The following CNNM2 variants were observed in gnomAD, a reference collection of about 807,000 sequenced individuals.
The protein encoded by CNNM2 is cyclin and CBS domain divalent metal cation transport mediator 2.
CNNM2 carries 12 observed loss-of-function variants against 66.9 expected under a neutral mutation model. The observed-to-expected ratio is 0.18, with a 90% confidence interval of 0.11 to 0.29. CNNM2 has a LOEUF of 0.29. CNNM2 is among the 10% of genes least tolerant of loss of function. CNNM2 has a pLI of 1.00. For synonymous variants in CNNM2, 557 were observed against 501.8 expected (o/e 1.11, Z -1.47); for missense variants, 705 against 1,167.7 (o/e 0.60, Z 5.77).
intron 3 of CNNM2, among the ~76,000 whole-genome samples, chr10:103,056,502 C>T (rs1161402922): frequency 1.3e-5 from 2 of 152,168 alleles, no homozygotes; most frequent in Non-Finnish European, 2.9e-5. Context: ...TCAAGGAGCC[C>T]GCTTGCCGTT....
At chr10:102,928,202 T>C (rs1029450542) in intron 1 of CNNM2, among the ~76,000 whole-genome samples, 1 of 152,238 alleles carries the variant, frequency 6.6e-6, no homozygotes, top group East Asian at 1.9e-4. Context: ...CCAGTATTTT[T>C]ATTATAACAA....
At chr10:103,014,830 T>C (rs919481202) in intron 1 of CNNM2, among the ~76,000 whole-genome samples, 2 of 151,974 alleles carry the variant, frequency 1.3e-5, no homozygotes, top group Non-Finnish European at 2.9e-5. Flanking sequence ...AGTTCAGGGC[T>C]GCAGTTATCT....
intron 6 of CNNM2, among the ~76,000 whole-genome samples, chr10:103,072,815 C>G (rs1424001422): frequency 2.6e-5 from 4 of 152,196 alleles, no homozygotes; most frequent in Non-Finnish European, 5.9e-5. Flanking sequence ...AACTGGGGGT[C>G]AGCCACTACG....
intron 1 of CNNM2, among the ~76,000 whole-genome samples, chr10:103,042,128 A>G (rs1465583582): frequency 2.0e-5 from 3 of 151,980 alleles, no homozygotes; most frequent in Admixed American, 6.6e-5. Context: ...TGTTCCTCTC[A>G]TTGCTCAGGC....
Position 103,090,064 on chromosome 10 carries a change from T to C in CNNM2, c.*12884T>C, listed in dbSNP as rs1440386449. 1.9e-6 allele frequency: 1 copy of C among 529,956 alleles called. No homozygotes were observed. Among genetic ancestry groups the C allele is most frequent in the Non-Finnish European group, 3.2e-6 (1 of 311,958 alleles). The allele number at this position is 529,956 out of a possible 1,614,324, so 32.8% of individuals were successfully genotyped here. A position where few individuals can be genotyped will look rare whatever the true frequency, so the allele number is the denominator to read the frequency against. Reference sequence around the variant, plus strand: ...AGACTTATCTTCATAGAACTACTTATAGTTGCCTGTCTTCCTCTCTCCCTG... The same window carrying C: ...AGACTTATCTTCATAGAACTACTTACAGTTGCCTGTCTTCCTCTCTCCCTG... On this transcript the variant is annotated 3_prime_UTR_variant, in exon 8 of 8. Coordinates refer to ENST00000369878, the MANE Select transcript of CNNM2 (RefSeq NM_017649.5).
At chr10:103,036,965 C>T (rs899505078) in intron 1 of CNNM2, among the ~76,000 whole-genome samples, 8 of 151,972 alleles carry the variant, frequency 5.3e-5, no homozygotes, top group Non-Finnish European at 7.4e-5. Context: ...ATGCTCATAT[C>T]GTGGTTGTGA....
chr10:103,063,556 T>C (rs2065425237), intron 4 of CNNM2, among the ~76,000 whole-genome samples: 1 of 152,234 alleles, frequency 6.6e-6, no homozygotes, highest in Admixed American at 6.5e-5. Flanking sequence ...AAGCCAGACA[T>C]GGCACGGGCT....
chr10:102,962,924 A>G (rs971704147), intron 1 of CNNM2, among the ~76,000 whole-genome samples: 4 of 152,196 alleles, frequency 2.6e-5, no homozygotes, highest in African/African-American at 9.7e-5. Context: ...GTTCACTTCA[A>G]ATGGCTGGAG....
chr10:103,006,583 T>C (rs1444438045), intron 1 of CNNM2, among the ~76,000 whole-genome samples: 3 of 152,154 alleles, frequency 2.0e-5, no homozygotes, highest in Non-Finnish European at 4.4e-5. Context: ...AAGATGGTTT[T>C]GGTTTTTTGG....
intron 1 of CNNM2, among the ~76,000 whole-genome samples, chr10:102,927,043 T>C (rs1021648703): frequency 6.6e-6 from 1 of 150,546 alleles, no homozygotes; most frequent in African/African-American, 2.4e-5. Context: ...CAATATAAAA[T>C]TTTATGTTTA....
intron 1 of CNNM2, among the ~76,000 whole-genome samples, chr10:102,940,719 T>G (rs1846402648): frequency 6.6e-6 from 1 of 150,596 alleles, no homozygotes; most frequent in Non-Finnish European, 1.5e-5. Flanking sequence ...CGCCTGGTCC[T>G]TATTTTATTA....
At chr10:102,967,425 G>A (rs1330406175) in intron 1 of CNNM2, among the ~76,000 whole-genome samples, 1 of 152,128 alleles carries the variant, frequency 6.6e-6, no homozygotes, top group Non-Finnish European at 1.5e-5. Context: ...TTTCTTCTGG[G>A]TCAATCCCTG....
In CNNM2 at chr10:103,085,238, G is replaced by A. The variant is rs2065793451; in HGVS notation, c.*8058G>A. ...TGATAGGAAATTTTAGATGGGGCCA[G>A]TTTTCCTACTGCAGTTCTACTAAGT... is the stretch of plus-strand genomic sequence containing the variant. On this transcript the variant is annotated 3_prime_UTR_variant, in exon 8 of 8. Transcript: ENST00000369878. 6.6e-6 allele frequency: 1 copy of A among 152,202 alleles called. No individual in the cohort carries two copies. The highest frequency in any genetic ancestry group is 2.4e-5 in the African/African-American group (1 of 41,448). 9.4% of individuals were successfully genotyped at this position (152,202 alleles called of 1,614,324 possible).
chr10:103,043,182 G>T lies in CNNM2; in HGVS notation c.1622-6525G>T, dbSNP rs556718313. On this transcript the variant is annotated intron_variant, in intron 1 of 7. Transcript: ENST00000369878. ...TTGGCTTGAGTTTCTCATGACGGGG[G>T]TCTGTTTTCTTCCTGCTGTTTGAGT... Among the ~76,000 whole-genome samples, 44 of 152,248 alleles carry T rather than the reference G, an allele frequency of 2.9e-4. 1 individual carries two copies. In the South Asian group the frequency reaches 6.6e-3, roughly 23 times the overall value.
chr10:103,043,819 C>T (rs1023327874), intron 1 of CNNM2, among the ~76,000 whole-genome samples: 16 of 152,120 alleles, frequency 1.1e-4, no homozygotes, highest in Admixed American at 1.0e-3. Flanking sequence ...GCTTAGGATT[C>T]TGAATTTGAG....
rs569208520 is a variant in CNNM2 at position 102,918,597 on chromosome 10, G to A, written c.117G>A (p.Gly39=). The change falls in exon 1 of 8, where the codon GGG becomes GGA. Residue 39 remains glycine, a synonymous_variant. Coordinates refer to ENST00000369878, the MANE Select transcript of CNNM2 (RefSeq NM_017649.5). The surrounding 1 kb of genome is among the most constrained non-coding windows in gnomAD (Gnocchi z 4.1). ...GCAGCCTCAGCGCTCGCGGCCGGGG[G>A]ATCCTGCAGGCGGCTGCGGGGCGGC... ...ARRSLSARGR[G]ILQAAAGRLL... The A allele has an allele frequency of 2.2e-5, 35 of 1,562,744 alleles. No individual in the cohort carries two copies. Among genetic ancestry groups the A allele is most frequent in the Non-Finnish European group, 2.9e-5 (34 of 1,157,360 alleles).
intron 1 of CNNM2, among the ~76,000 whole-genome samples, chr10:102,969,463 C>T (rs1197197491): frequency 3.3e-5 from 5 of 151,534 alleles, no homozygotes; most frequent in African/African-American, 9.7e-5. Context: ...TTGCCCGCCT[C>T]GGCCTCCCAA....
At chr10:103,075,077 G>C (rs1250004093) in intron 6 of CNNM2, among the ~76,000 whole-genome samples, 2 of 152,222 alleles carry the variant, frequency 1.3e-5, no homozygotes, top group Non-Finnish European at 2.9e-5. Flanking sequence ...GTCATCTGAA[G>C]TTAGGGAGGC....
rs1409923908 is a variant in CNNM2 at position 102,919,489 on chromosome 10, A to G, written c.1009A>G (p.Ile337Val). ...CACGCTCACCATCCTGCTCGACGAC[A>G]TCGCCGGCTCGGGCCTCGTGGCCGT... ...NTTLTILLDD[I>V]AGSGLVAVVV... Residue 337 changes from isoleucine (I) to valine (V), a missense_variant, in exon 1 of 8, where the codon ATC (isoleucine) becomes GTC (valine). Around this residue, in one of 9 missense-constraint regions of CNNM2, gnomAD observed 49 missense variants for 183.7 expected, o/e 0.27. Transcript: ENST00000369878. The G allele has an allele frequency of 1.2e-6, 2 of 1,612,604 alleles. No homozygotes were observed. Among genetic ancestry groups the G allele is most frequent in the Non-Finnish European group, 1.7e-6 (2 of 1,180,028 alleles).
Sources: allele counts gnomAD v4.1 joint callset (sites outside exome capture counted in the v4.1 genomes callset), GRCh38; gene constraint gnomAD v4.1.1; regional missense constraint gnomAD v4.1.1; non-coding constraint Gnocchi (gnomAD v3.1); transcripts MANE v1.5; gene names NCBI Gene and HGNC (gene_info 2026-07-23, HGNC 2026-07-21).